KLRG1: variants seen among roughly 807,000 people sequenced by gnomAD.
The protein encoded by KLRG1 is killer cell lectin like receptor G1, also known as killer cell lectin-like receptor subfamily G member 1.
Under a neutral mutation model 21.8 loss-of-function variants are expected in KLRG1, and 16 were observed. That is an observed-to-expected ratio of 0.73 (90% CI 0.50 to 1.11). The LOEUF (loss-of-function observed/expected upper bound fraction) is 1.11, where lower values mean the gene tolerates loss of function less well. Ranked by LOEUF, KLRG1 falls within the 50% of genes most tolerant of loss-of-function variation. KLRG1 has a pLI of 0.00. For synonymous variants in KLRG1, 69 were observed against 75.9 expected (o/e 0.91, Z 0.47); for missense variants, 173 against 218.3 (o/e 0.79, Z 1.31).
chr12:9,084,761 G>T, the KLRG1 span, among the ~76,000 whole-genome samples: 17 of 151,984 alleles, frequency 1.1e-4, no homozygotes, highest in Non-Finnish European at 2.5e-4. Flanking sequence ...AAACAGGACC[G>T]AAACATATGC....
chr12:9,202,946 G>T, the KLRG1 span, among the ~76,000 whole-genome samples: 1 of 152,150 alleles, frequency 6.6e-6, no homozygotes, highest in Non-Finnish European at 1.5e-5. Flanking sequence ...AACTGAGTAT[G>T]TATATTCTGA....
chr12:9,051,331 T>G, the KLRG1 span, among the ~76,000 whole-genome samples: 1 of 151,982 alleles, frequency 6.6e-6, no homozygotes, highest in Admixed American at 6.5e-5. Flanking sequence ...AGCAGCCCCC[T>G]CCAGGGCTTC....
the KLRG1 span, chr12:9,202,596 A>G: frequency 6.2e-7 from 1 of 1,613,986 alleles, no homozygotes; most frequent in Admixed American, 1.7e-5. Flanking sequence ...CAGTACCAGA[A>G]CTGTGTTCCT....
At chr12:9,098,327 T>G in the KLRG1 span, 2 of 171,990 alleles carry the variant, frequency 1.2e-5, no homozygotes, top group Non-Finnish European at 2.4e-5. Context: ...AACGAGTCCT[T>G]TTTTGGTTGT....
At chr12:8,965,033 T>TA (rs1309138655) in intron 1 of KLRG1, among the ~76,000 whole-genome samples, 2 of 152,318 alleles carry the variant, frequency 1.3e-5, no homozygotes, top group East Asian at 1.9e-4. Flanking sequence ...TGGTTCAACA[T>TA]ACGCAAATCA....
At chr12:9,179,782 G>A in the KLRG1 span, among the ~76,000 whole-genome samples, 1 of 152,184 alleles carries the variant, frequency 6.6e-6, no homozygotes, top group Non-Finnish European at 1.5e-5. Flanking sequence ...TCACGTAGGT[G>A]GGGAATCTTA....
At chr12:9,039,874 G>C in the KLRG1 span, among the ~76,000 whole-genome samples, 1 of 152,334 alleles carries the variant, frequency 6.6e-6, no homozygotes, top group Middle Eastern at 3.4e-3. Context: ...TTCCAAGATA[G>C]ATTATTTGAT....
At chr12:8,954,209 G>C (rs764689332) in intron 1 of KLRG1, among the ~76,000 whole-genome samples, 3 of 152,002 alleles carry the variant, frequency 2.0e-5, no homozygotes, top group Middle Eastern at 6.3e-3. Context: ...ATATGATATC[G>C]GTTGTATGTG....
intron 1 of KLRG1, among the ~76,000 whole-genome samples, chr12:8,978,781 C>A (rs11048369): frequency 0.42 from 62,720 of 148,548 alleles, 13,943 homozygotes; most frequent in African/African-American, 0.52. Context: ...GTGGCACATT[C>A]CTGCCTCACT....
chr12:9,181,054 G>T, the KLRG1 span: 10 of 1,614,078 alleles, frequency 6.2e-6, no homozygotes, highest in Non-Finnish European at 8.5e-6. Flanking sequence ...AGGGCACAGA[G>T]GGACTGCGGA....
chr12:9,208,152 G>A, the KLRG1 span: 1 of 720,366 alleles, frequency 1.4e-6, no homozygotes, highest in Non-Finnish European at 2.5e-6. Flanking sequence ...ATATTTGGAA[G>A]GTATTGTAAT....
the KLRG1 span, among the ~76,000 whole-genome samples, chr12:9,190,105 A>G: frequency 6.6e-6 from 1 of 152,176 alleles, no homozygotes; most frequent in South Asian, 2.1e-4. Context: ...AGAGCTAAAA[A>G]CAGAACTATC....
the KLRG1 span, chr12:9,029,018 T>TAACAACCATCCAA: frequency 1.7e-6 from 1 of 593,456 alleles, no homozygotes; most frequent in Middle Eastern, 5.2e-4. Flanking sequence ...CATTGGTTGT[T>TAACAACCATCCAA]TCAAAGCTCA....
At chr12:9,208,872 T>C in the KLRG1 span, among the ~76,000 whole-genome samples, 1 of 152,100 alleles carries the variant, frequency 6.6e-6, no homozygotes, top group African/African-American at 2.4e-5. Context: ...GAGTAGAGGA[T>C]CAATGAAAGA....
chr12:9,051,269 T>C, the KLRG1 span, among the ~76,000 whole-genome samples: 151 of 152,118 alleles, frequency 9.9e-4, no homozygotes, highest in Middle Eastern at 3.4e-3. Context: ...AGAGACGGGA[T>C]TACCAGCTGC....
chr12:9,058,293 A>T, the KLRG1 span: 1 of 152,152 alleles, frequency 6.6e-6, no homozygotes, highest in Non-Finnish European at 1.5e-5. Context: ...TCTCTCATAC[A>T]TGTATGCTAA....
chr12:9,134,305 C>T, the KLRG1 span, among the ~76,000 whole-genome samples: 16 of 152,246 alleles, frequency 1.1e-4, no homozygotes, highest in Middle Eastern at 3.4e-3. Flanking sequence ...CAGACCTCTT[C>T]GTAAGAGAAA....
the KLRG1 span, chr12:9,149,640 T>G: frequency 1.9e-6 from 3 of 1,601,016 alleles, no homozygotes; most frequent in Non-Finnish European, 2.6e-6. Context: ...AAACGAAAGA[T>G]CTATGAACTA....
At chr12:9,087,756 CA>C in the KLRG1 span, among the ~76,000 whole-genome samples, 1 of 151,962 alleles carries the variant, frequency 6.6e-6, no homozygotes, top group East Asian at 1.9e-4. Flanking sequence ...TATATATATA[CA>C]ATTATAAATG....
Sources: gnomAD v4.1 joint callset for allele counts (sites outside exome capture counted in the v4.1 genomes callset) on GRCh38, gnomAD v4.1.1 for gene constraint, MANE v1.5 for transcripts, NCBI Gene and HGNC (gene_info 2026-07-23, HGNC 2026-07-21) for gene names.